DEPTOR: variants seen among roughly 807,000 people sequenced by gnomAD.
DEPTOR encodes the protein DEP domain-containing mTOR-interacting protein.
A neutral mutation model predicts 41.6 loss-of-function variants in DEPTOR; 41 were observed. The ratio of observed to expected loss-of-function variants is 0.98; its 90% CI spans 0.77 to 1.28. DEPTOR has a LOEUF of 1.28. Ranked by LOEUF, DEPTOR falls within the 50% of genes most tolerant of loss-of-function variation. The pLI is 0.00. For synonymous variants in DEPTOR, 195 were observed against 192.3 expected, an observed-to-expected ratio of 1.01 and a Z score of -0.12; for missense variants, 514 against 527.9, an observed-to-expected ratio of 0.97 and a Z score of 0.26.
At chr8:119,995,149 A>G (rs1207842791) in intron 4 of DEPTOR, among the ~76,000 whole-genome samples, 2 of 152,130 alleles carry the variant, frequency 1.3e-5, no homozygotes, top group Non-Finnish European at 2.9e-5. Flanking sequence ...CTCTTACATA[A>G]ATTATCTCAT....
intron 1 of DEPTOR, among the ~76,000 whole-genome samples, chr8:119,884,510 A>T (rs1196270204): frequency 6.6e-6 from 1 of 152,172 alleles, no homozygotes; most frequent in African/African-American, 2.4e-5. Context: ...TGCTGATTTA[A>T]GGACAACCAA....
At chr8:119,961,953 T>C (rs1828497835) in intron 3 of DEPTOR, among the ~76,000 whole-genome samples, 1 of 151,758 alleles carries the variant, frequency 6.6e-6, no homozygotes, top group Admixed American at 6.6e-5. Flanking sequence ...TTAACAAAGT[T>C]TTATGGGCCA....
At position 119,971,189 on chromosome 8, in the gene DEPTOR, C is replaced by T. The variant is rs142476316; in HGVS notation, c.604+5779C>T. The stretch of plus-strand genomic sequence containing the variant: ...CGGAGCTTGTAGTGAGCGAAGATTG[C>T]GCCACCGCTCCAGCCTGGGCAACAG... On this transcript the variant is annotated intron_variant, in intron 4 of 8. Transcript: ENST00000286234. Among the ~76,000 whole-genome samples, 19 of 145,622 alleles carry T rather than the reference C, an allele frequency of 1.3e-4. No homozygotes were observed. In the East Asian group the frequency reaches 2.0e-3, roughly 16 times the overall value.
At chr8:119,905,927 G>T (rs1827657419) in intron 1 of DEPTOR, among the ~76,000 whole-genome samples, 1 of 152,140 alleles carries the variant, frequency 6.6e-6, no homozygotes, top group African/African-American at 2.4e-5. Flanking sequence ...AAAGGCGCAA[G>T]CCACTGCACT....
intron 1 of DEPTOR, among the ~76,000 whole-genome samples, chr8:119,883,133 T>C (rs1332984155): frequency 6.6e-6 from 1 of 151,568 alleles, no homozygotes; most frequent in Admixed American, 6.6e-5. Context: ...ATTTGTGAGG[T>C]TGGGTGGGGA....
chr8:119,968,831 A>T (rs559643775), intron 4 of DEPTOR, among the ~76,000 whole-genome samples: 19 of 152,096 alleles, frequency 1.2e-4, no homozygotes, highest in Non-Finnish European at 2.5e-4. Context: ...TTTGGGTTAC[A>T]GTTGGTTCTT....
At chr8:119,888,131 A>AT (rs1273207772) in intron 1 of DEPTOR, among the ~76,000 whole-genome samples, 6 of 151,178 alleles carry the variant, frequency 4.0e-5, no homozygotes, top group East Asian at 3.9e-4. Flanking sequence ...TCAGTTATTT[A>AT]TTTTTTTTTA....
At chr8:119,971,590 G>T (rs1828634664) in intron 4 of DEPTOR, among the ~76,000 whole-genome samples, 1 of 152,182 alleles carries the variant, frequency 6.6e-6, no homozygotes, top group African/African-American at 2.4e-5. Context: ...GGAACCAGAG[G>T]TAAATTGTTT....
intron 3 of DEPTOR, among the ~76,000 whole-genome samples, chr8:119,943,403 G>T (rs1019439756): frequency 6.6e-6 from 1 of 152,176 alleles, no homozygotes; most frequent in Non-Finnish European, 1.5e-5. Context: ...TTACATGACA[G>T]CAGGTGAGGG....
At chr8:119,960,481 A>C (rs532905130) in intron 3 of DEPTOR, among the ~76,000 whole-genome samples, 6 of 152,274 alleles carry the variant, frequency 3.9e-5, no homozygotes, top group Non-Finnish European at 8.8e-5. Context: ...AACTCTAATC[A>C]TTCTTCTAGG....
rs756145602 is a variant in DEPTOR, at chr8:119,965,216, CT to C, written c.426-9del. The C allele has an allele frequency of 1.3e-5, 20 of 1,597,150 alleles. No homozygotes were observed. Among genetic ancestry groups the C allele is most frequent in the East Asian group, 4.5e-5 (2 of 44,692 alleles). ...TCGTATAGGTTTACTTTTCTTTTCC[CT>C]TTTTTTCTTCCCAGGCTGATGAGCC... is the stretch of plus-strand genomic sequence containing the variant. On this transcript the variant is annotated splice_polypyrimidine_tract_variant and intron_variant, in intron 3 of 8. Transcript: ENST00000286234.
chr8:119,881,538 A>T (rs560017180), intron 1 of DEPTOR, among the ~76,000 whole-genome samples: 120 of 152,038 alleles, frequency 7.9e-4, no homozygotes, highest in South Asian at 2.9e-3. Context: ...AAAATAATAA[A>T]AAAAAAAAAG....
At chr8:119,913,418 CATTG>C (rs1411914571) in intron 1 of DEPTOR, among the ~76,000 whole-genome samples, 2 of 152,154 alleles carry the variant, frequency 1.3e-5, no homozygotes, top group Non-Finnish European at 2.9e-5. Flanking sequence ...ACAGAAATAA[CATTG>C]ATTGGTGATT....
intron 3 of DEPTOR, among the ~76,000 whole-genome samples, chr8:119,954,698 TGTA>T (rs1211135918): frequency 6.6e-6 from 1 of 152,128 alleles, no homozygotes; most frequent in East Asian, 1.9e-4. Flanking sequence ...GGCCCCTAAA[TGTA>T]GTAGTTCCTT....
intron 8 of DEPTOR, among the ~76,000 whole-genome samples, chr8:120,038,845 C>T (rs1813018065): frequency 1.3e-5 from 2 of 152,078 alleles, no homozygotes; most frequent in South Asian, 4.1e-4. Context: ...TCTGAATCTA[C>T]CCCCTCAATC....
At chr8:119,947,428 A>C (rs1211789858) in intron 3 of DEPTOR, among the ~76,000 whole-genome samples, 1 of 152,200 alleles carries the variant, frequency 6.6e-6, no homozygotes, top group Non-Finnish European at 1.5e-5. Flanking sequence ...GTTGAGAGTC[A>C]CCAAGCATCT....
chr8:119,952,200 G>A (rs1196240503), intron 3 of DEPTOR, among the ~76,000 whole-genome samples: 2 of 152,188 alleles, frequency 1.3e-5, no homozygotes, highest in East Asian at 3.9e-4. Context: ...TTCAAAGAGA[G>A]GGCAAGACCT....
intron 3 of DEPTOR, among the ~76,000 whole-genome samples, chr8:119,951,005 C>G (rs986332561): frequency 2.0e-5 from 3 of 151,986 alleles, no homozygotes; most frequent in East Asian, 3.9e-4. Flanking sequence ...CCTGGAAAGT[C>G]AAGGCTGCAG....
chr8:119,901,487 T>C (rs1315465918), intron 1 of DEPTOR, among the ~76,000 whole-genome samples: 2 of 151,946 alleles, frequency 1.3e-5, no homozygotes, highest in Non-Finnish European at 2.9e-5. Flanking sequence ...CCATCCTGGC[T>C]AACACAGTGA....
Sources: allele counts gnomAD v4.1 joint callset (sites outside exome capture counted in the v4.1 genomes callset), GRCh38; gene constraint gnomAD v4.1.1; transcripts MANE v1.5; gene names NCBI Gene and HGNC (gene_info 2026-07-23, HGNC 2026-07-21).